RP1: variants seen among roughly 807,000 people sequenced by gnomAD.
RP1 encodes oxygen-regulated protein 1.
Under a neutral mutation model 14.8 loss-of-function variants are expected in RP1, and 16 were observed. The observed-to-expected ratio is 1.08, with a 90% CI of 0.73 to 1.65. The LOEUF (loss-of-function observed/expected upper bound fraction) is 1.65, where lower values mean the gene tolerates loss of function less well. Ranked by LOEUF, RP1 falls within the 40% of genes most tolerant of loss-of-function variation. The pLI is 0.00. For synonymous variants in RP1, 876 were observed against 883.6 expected (o/e 0.99, Z 0.15); for missense variants, 2,631 against 2,535.0 (o/e 1.04, Z -0.81).
At chr8:54,574,912 T>C (rs1441277346) in intron 1 of RP1, among the ~76,000 whole-genome samples, 1 of 152,096 alleles carries the variant, frequency 6.6e-6, no homozygotes, top group Non-Finnish European at 1.5e-5. Context: ...CTGCTGAGAG[T>C]TTGAAGTAAC....
chr8:54,854,555 A>T (rs1215808015), intron 26 of RP1, among the ~76,000 whole-genome samples: 1 of 152,202 alleles, frequency 6.6e-6, no homozygotes, highest in Non-Finnish European at 1.5e-5. Context: ...TAGGGGGTTG[A>T]TTAGGACTTT....
chr8:54,760,903 A>G (rs889008630), intron 22 of RP1, among the ~76,000 whole-genome samples: 1 of 152,160 alleles, frequency 6.6e-6, no homozygotes, highest in Non-Finnish European at 1.5e-5. Flanking sequence ...TGTACTCAGA[A>G]CTTAGCACAG....
At chr8:54,837,782 AC>A in intron 25 of RP1, 1 of 527,014 alleles carries the variant, frequency 1.9e-6, no homozygotes, top group East Asian at 3.5e-5. Flanking sequence ...AATATCTCAC[AC>A]TTCGTGGGCT....
At chr8:54,809,263 T>A (rs746321540) in intron 24 of RP1, among the ~76,000 whole-genome samples, 4 of 152,226 alleles carry the variant, frequency 2.6e-5, no homozygotes, top group African/African-American at 7.2e-5. Flanking sequence ...TATGCCATCA[T>A]AAATAAACAA....
intron 1 of RP1, among the ~76,000 whole-genome samples, chr8:54,617,637 C>T (rs905863949): frequency 1.3e-5 from 2 of 152,316 alleles, no homozygotes; most frequent in South Asian, 4.1e-4. Context: ...TTTACACAGA[C>T]TCTCCTCTGG....
At chr8:54,799,931 A>G (rs995172439) in intron 24 of RP1, among the ~76,000 whole-genome samples, 1 of 152,092 alleles carries the variant, frequency 6.6e-6, no homozygotes, top group East Asian at 1.9e-4. Flanking sequence ...TCCATTTACA[A>G]CATTCTTTAT....
intron 12 of RP1, among the ~76,000 whole-genome samples, chr8:54,694,944 C>G (rs561111372): frequency 1.1e-3 from 168 of 152,112 alleles, no homozygotes; most frequent in Non-Finnish European, 1.8e-3. Context: ...CCTGCTTTCT[C>G]TTGTGGGCAT....
chr8:54,602,389 G>GGAATACACA (rs1805313745), intron 1 of RP1, among the ~76,000 whole-genome samples: 2 of 152,158 alleles, frequency 1.3e-5, no homozygotes, highest in African/African-American at 4.8e-5. Context: ...TGGCTGCATA[G>GGAATACACA]TATTCCAAGG....
intron 1 of RP1, among the ~76,000 whole-genome samples, chr8:54,580,300 CTTTTTTTT>C (rs906806636): frequency 3.7e-5 from 3 of 80,176 alleles, no homozygotes; most frequent in Admixed American, 1.8e-4. Context: ...TCGTAGACTT[CTTTTTTTT>C]TTTTTTTTTT....
At chr8:54,640,483 C>T (rs1806433423) in intron 3 of RP1, among the ~76,000 whole-genome samples, 1 of 152,164 alleles carries the variant, frequency 6.6e-6, no homozygotes, top group African/African-American at 2.4e-5. Flanking sequence ...GCTAAACCAG[C>T]AGCTGGAGAG....
At chr8:54,825,172 G>A (rs1340282257) in intron 24 of RP1, among the ~76,000 whole-genome samples, 1 of 152,138 alleles carries the variant, frequency 6.6e-6, no homozygotes, top group Admixed American at 6.5e-5. Flanking sequence ...TGTTAGCCAG[G>A]GTGGTCTTGA....
At chr8:54,779,045 C>A (rs1444834923) in intron 23 of RP1, among the ~76,000 whole-genome samples, 1 of 151,934 alleles carries the variant, frequency 6.6e-6, no homozygotes, top group Non-Finnish European at 1.5e-5. Flanking sequence ...TTTATCCCCC[C>A]AAGTCACCTG....
chr8:54,819,783 C>T (rs1373005181), intron 24 of RP1, among the ~76,000 whole-genome samples: 2 of 152,076 alleles, frequency 1.3e-5, no homozygotes, highest in African/African-American at 4.8e-5. Flanking sequence ...ATCTGGAATA[C>T]CAGGCAGAGT....
chr8:54,811,775 C>A (rs565995894), intron 24 of RP1, among the ~76,000 whole-genome samples: 5 of 152,292 alleles, frequency 3.3e-5, no homozygotes, highest in Admixed American at 6.5e-5. Context: ...GATTCAAGTT[C>A]ATATCTTGAG....
At position 54,625,418 on chromosome 8, in the gene RP1, T is replaced by A; in HGVS notation, c.1536T>A (p.Ser512=). 4 of 1,614,038 alleles carry A rather than the reference T, an allele frequency of 2.5e-6. No homozygotes were observed. Among genetic ancestry groups the A allele is most frequent in the Non-Finnish European group, 3.4e-6 (4 of 1,180,042 alleles). The change falls in exon 4 of 4, where the codon TCT becomes TCA. Residue 512 remains serine (S), a synonymous_variant. Transcript: ENST00000220676. The part of the protein sequence containing the change: ...THSCSKMSSV[S]NKPVLVQINN... ...CTTGCAGTAAAATGTCATCAGTATC[T>A]AACAAACCAGTACTTGTTCAGATCA...
intron 27 of RP1, among the ~76,000 whole-genome samples, chr8:54,864,606 T>C (rs1467746475): frequency 6.6e-6 from 1 of 152,190 alleles, no homozygotes; most frequent in Non-Finnish European, 1.5e-5. Context: ...AGTTTCAGCT[T>C]GCAGTTCTTG....
intron 3 of RP1, among the ~76,000 whole-genome samples, chr8:54,647,223 C>T (rs1428475346): frequency 3.3e-5 from 5 of 152,014 alleles, no homozygotes; most frequent in Admixed American, 2.0e-4. Context: ...TGAGACCAGC[C>T]TGACCAACAT....
chr8:54,696,819 G>A lies in RP1; in HGVS notation c.1718-2648G>A, dbSNP rs1380966864. The A allele has an allele frequency of 3.9e-5, 29 of 738,058 alleles. No individual in the cohort carries two copies. In the East Asian group the frequency reaches 7.1e-4, roughly 18 times the overall value. 45.7% of individuals were successfully genotyped at this position (738,058 alleles called of 1,614,324 possible). On this transcript the variant is annotated intron_variant, in intron 12 of 22. Coordinates refer to the RP1 transcript ENST00000636932. ...ATAGTGGAACGTTATGTGACCTGCGGATTTCCAAATCTGAAGTCTGTCCAG... is the reference window on the plus strand; with the variant it reads ...ATAGTGGAACGTTATGTGACCTGCGAATTTCCAAATCTGAAGTCTGTCCAG...
chr8:54,777,555 G>A (rs1810073502), intron 23 of RP1, among the ~76,000 whole-genome samples: 1 of 152,236 alleles, frequency 6.6e-6, no homozygotes, highest in South Asian at 2.1e-4. Context: ...TCCTGTGGTA[G>A]TCAGCACAGA....
Sources: gnomAD v4.1 joint callset for allele counts (sites outside exome capture counted in the v4.1 genomes callset) on GRCh38, gnomAD v4.1.1 for gene constraint, MANE v1.5 for transcripts, NCBI Gene and HGNC (gene_info 2026-07-23, HGNC 2026-07-21) for gene names.